The following SCARB2 variants were observed in gnomAD, a reference collection of about 807,000 sequenced individuals.
SCARB2 encodes the protein scavenger receptor class B member 2.
In SCARB2, 29 loss-of-function variants were observed where a neutral mutation model predicts 58.6. That is an observed-to-expected ratio of 0.49 (90% CI 0.37 to 0.67). The LOEUF is 0.67. Among genes scored for constraint, SCARB2 ranks in the 30% least tolerant of loss-of-function variants. SCARB2 has a pLI of 0.00. For missense variants in SCARB2, 488 were observed against 578.5 expected (o/e 0.84, Z 1.60); for synonymous variants, 195 against 210.1 (o/e 0.93, Z 0.62).
intron 6 of SCARB2, 45 bp downstream of exon 6, chr4:76,175,746 G>GA: frequency 1.2e-6 from 2 of 1,611,536 alleles, no homozygotes; most frequent in Non-Finnish European, 1.7e-6. Flanking sequence ...GTCTTGCAGT[G>GA]AAAGACCTTA....
At chr4:76,170,062 C>T (rs1373144288) in intron 7 of SCARB2, 77 bp from the exon 8 acceptor site, 8 of 1,308,330 alleles carry the variant, frequency 6.1e-6, no homozygotes, top group African/African-American at 4.4e-5. Context: ...AGTTCCTGGC[C>T]ACAGCCTGGT....
chr4:76,199,741 A>G (rs1178010816), intron 1 of SCARB2, among the ~76,000 whole-genome samples: 1 of 152,158 alleles, frequency 6.6e-6, no homozygotes, highest in African/African-American at 2.4e-5. Context: ...AGGAAAGGAA[A>G]CTAGGGCAGC....
intron 10 of SCARB2, chr4:76,165,079 T>C (rs1731973669): frequency 6.6e-6 from 1 of 152,046 alleles, no homozygotes. Context: ...AAGTTGGGGG[T>C]GGAGGGACTT....
intron 7 of SCARB2, among the ~76,000 whole-genome samples, chr4:76,171,909 G>A (rs1312107177): frequency 1.3e-5 from 2 of 151,680 alleles, no homozygotes; most frequent in Non-Finnish European, 2.9e-5. Context: ...GTAGATTCTG[G>A]GGCCCTGGTA....
In SCARB2 at chr4:76,159,702, C is replaced by CA. The variant is rs1420279833; in HGVS notation, c.*2010dup. On this transcript the variant is annotated 3_prime_UTR_variant, in exon 12 of 12. Transcript: ENST00000264896. ...ATGCCACTGTACTCCAGCCTGGCGA[C>CA]AGAGTGAGACTCTCTCAAAAAAAAA... 6.6e-6 allele frequency: 1 copy of CA among 151,968 alleles called. No individual in the cohort carries two copies. The highest frequency in any genetic ancestry group is 6.6e-5 in the Admixed American group (1 of 15,262). The allele number at this position is 151,968 out of a possible 1,614,324, so 9.4% of individuals were successfully genotyped here.
intron 1 of SCARB2, among the ~76,000 whole-genome samples, chr4:76,224,736 T>A (rs1374705955): frequency 6.6e-6 from 1 of 151,994 alleles, no homozygotes; most frequent in African/African-American, 2.4e-5. Context: ...CTAATTTTTG[T>A]TATTTTATTT....
chr4:76,187,208 TA>T (rs1418688252), intron 2 of SCARB2, among the ~76,000 whole-genome samples: 1 of 152,220 alleles, frequency 6.6e-6, no homozygotes, highest in Non-Finnish European at 1.5e-5. Flanking sequence ...GTAAGACTTT[TA>T]AAGCTCAGAC....
intron 1 of SCARB2, among the ~76,000 whole-genome samples, chr4:76,220,392 T>A (rs1006932276): frequency 1.6e-4 from 25 of 152,298 alleles, no homozygotes; most frequent in Middle Eastern, 3.4e-3. Flanking sequence ...TTTGGGAGAC[T>A]GAGGCAGGAG....
At chr4:76,176,061 G>A in intron 5 of SCARB2, 151 bp from the exon 6 acceptor site, 1 of 973,966 alleles carries the variant, frequency 1.0e-6, no homozygotes, top group Non-Finnish European at 1.5e-6. Context: ...TAGATCAAGG[G>A]GGAGAAAAAG....
chr4:76,215,058 C>T (rs1465923), upstream of SCARB2, among the ~76,000 whole-genome samples: 146,946 of 152,376 alleles, frequency 0.96, 70,984 homozygotes, highest in Non-Finnish European at 0.99. Flanking sequence ...GAAAGAGGCC[C>T]GCCTTAGTAT....
chr4:76,162,926 TCTTC>T (rs1397838881), intron 11 of SCARB2: 1 of 581,188 alleles, frequency 1.7e-6, no homozygotes, highest in African/African-American at 1.9e-5. Flanking sequence ...TGTTATATAT[TCTTC>T]CTTTTCTTTC....
At chr4:76,195,633 G>C in intron 2 of SCARB2, 74 bp downstream of exon 2, 1 of 1,312,166 alleles carries the variant, frequency 7.6e-7, no homozygotes, top group Non-Finnish European at 1.1e-6. Context: ...CTTGCTCCTG[G>C]GAAGAGGCAA....
At chr4:76,162,740 G>A (rs914001253) in intron 11 of SCARB2, 2 of 200,544 alleles carry the variant, frequency 1.0e-5, no homozygotes, top group South Asian at 2.0e-4. Flanking sequence ...ACTGGGCCAA[G>A]TCCTTTAAGT....
chr4:76,185,626 G>A (rs1301888694), intron 2 of SCARB2, among the ~76,000 whole-genome samples: 2 of 152,116 alleles, frequency 1.3e-5, no homozygotes, highest in Non-Finnish European at 2.9e-5. Flanking sequence ...GAAATCAAAA[G>A]GAATAATTTT....
upstream of SCARB2, among the ~76,000 whole-genome samples, chr4:76,218,682 T>C (rs1227196471): frequency 6.6e-6 from 1 of 152,222 alleles, no homozygotes; most frequent in Non-Finnish European, 1.5e-5. Flanking sequence ...TAATGCAGAC[T>C]TATTGAAACA....
At chr4:76,188,534 G>A (rs1441620935) in intron 2 of SCARB2, among the ~76,000 whole-genome samples, 1 of 152,180 alleles carries the variant, frequency 6.6e-6, no homozygotes, top group Non-Finnish European at 1.5e-5. Flanking sequence ...CATCTCAGAG[G>A]TTTCCCACCA....
At position 76,161,612 on chromosome 4, in the gene SCARB2, T is replaced by G; in HGVS notation, c.*101A>C. On this transcript the variant is annotated 3_prime_UTR_variant, in exon 12 of 12. Coordinates refer to ENST00000264896, the MANE Select transcript of SCARB2 (RefSeq NM_005506.4). ...TGCCAGCGCCGTGTCTTTTTCCTTC[T>G]TTCAACAGGCAACAAGCCTGCAAGG... 7.7e-7 allele frequency: 1 copy of G among 1,304,916 alleles called. No individual in the cohort carries two copies. 80.8% of individuals were successfully genotyped at this position (1,304,916 alleles called of 1,614,324 possible).
At chr4:76,182,690 G>A (rs575667538) in intron 2 of SCARB2, among the ~76,000 whole-genome samples, 1 of 152,312 alleles carries the variant, frequency 6.6e-6, no homozygotes, top group South Asian at 2.1e-4. Flanking sequence ...AAACTTCTGA[G>A]TGACATCATT....
chr4:76,180,866 C>T (rs765471159), intron 3 of SCARB2, 88 bp downstream of exon 3: 377 of 1,130,388 alleles, frequency 3.3e-4, no homozygotes, highest in Non-Finnish European at 4.1e-4. Flanking sequence ...AACTTAATGG[C>T]TCCTAAATGT....
Sources: allele counts gnomAD v4.1 joint callset (sites outside exome capture counted in the v4.1 genomes callset), GRCh38; gene constraint gnomAD v4.1.1; transcripts MANE v1.5; gene names NCBI Gene and HGNC (gene_info 2026-07-23, HGNC 2026-07-21).